ALDH1L2: variants seen among roughly 807,000 people sequenced by gnomAD.
ALDH1L2 encodes mitochondrial 10-formyltetrahydrofolate dehydrogenase.
Under a neutral mutation model 111.0 loss-of-function variants are expected in ALDH1L2, and 91 were observed. The ratio of observed to expected loss-of-function variants is 0.82; its 90% CI spans 0.69 to 0.98. The LOEUF (loss-of-function observed/expected upper bound fraction) is 0.98. Ranked by LOEUF, ALDH1L2 falls within the 50% of genes least tolerant of loss-of-function variation. ALDH1L2 has a pLI of 0.00. For missense variants in ALDH1L2, 995 were observed against 1,126.8 expected, an observed-to-expected ratio of 0.88 and a Z score of 1.67; for synonymous variants, 374 against 392.6, an observed-to-expected ratio of 0.95 and a Z score of 0.56.
rs1874252909 is a variant in ALDH1L2 at position 105,023,384 on chromosome 12, G to T, written c.*1040C>A. On this transcript the variant is annotated 3_prime_UTR_variant, in exon 23 of 23. Transcript: ENST00000258494. ...TTGTGTGGCATTTTTCAGTGCTGCT[G>T]TATCAGGCATTGTGTCAGAACAATG... is the stretch of plus-strand genomic sequence containing the variant. The T allele has an allele frequency of 6.6e-6, 1 of 152,182 alleles. No homozygotes were observed. Among genetic ancestry groups the T allele is most frequent in the Non-Finnish European group, 1.5e-5 (1 of 68,044 alleles). 9.4% of individuals were successfully genotyped at this position (152,182 alleles called of 1,614,324 possible). A position where few individuals can be genotyped will look rare whatever the true frequency, so the allele number is the denominator to read the frequency against.
In ALDH1L2 at chr12:105,046,965, G is replaced by A; in HGVS notation, c.1691C>T (p.Ser564Phe). Residue 564 changes from serine (S) to phenylalanine (F), a missense_variant, in exon 14 of 23, where the codon TCT becomes TTT. By Grantham distance (155) the Ser-to-Phe change is radical. Coordinates refer to ENST00000258494, the MANE Select transcript of ALDH1L2 (RefSeq NM_001034173.4). The stretch of plus-strand genomic sequence containing the variant: ...ACGGGCCTGGTTGATTGGAATAGTA[G>A]AACCCTAAAGAATGAGAAAAGTTGA... ...FAGWCDKIQGSTIPINQARPN... is the reference protein window; with the variant it reads ...FAGWCDKIQGFTIPINQARPN... 1 of 1,613,810 alleles carries A rather than the reference G, an allele frequency of 6.2e-7. No individual in the cohort carries two copies. The highest frequency in any genetic ancestry group is 2.2e-5 in the East Asian group (1 of 44,882).
At chr12:105,032,486 G>A (rs1252365614) in intron 19 of ALDH1L2, among the ~76,000 whole-genome samples, 3 of 151,978 alleles carry the variant, frequency 2.0e-5, no homozygotes, top group Non-Finnish European at 2.9e-5. Flanking sequence ...CAATCCACCC[G>A]CATCAGCCTC....
chr12:105,033,210 G>T (rs1874803665), intron 19 of ALDH1L2, among the ~76,000 whole-genome samples: 1 of 152,150 alleles, frequency 6.6e-6, no homozygotes, highest in Admixed American at 6.6e-5. Flanking sequence ...GCAGTGTTTG[G>T]TACTAAGTAG....
intron 6 of ALDH1L2, among the ~76,000 whole-genome samples, chr12:105,064,409 T>C (rs866542611): frequency 8.5e-5 from 13 of 152,250 alleles, no homozygotes; most frequent in Admixed American, 5.2e-4. Context: ...TAAATTTTCA[T>C]AGAAGCATTC....
At chr12:105,082,284 G>A (rs374028053) in intron 1 of ALDH1L2, among the ~76,000 whole-genome samples, 177 of 152,274 alleles carry the variant, frequency 1.2e-3, no homozygotes, top group African/African-American at 3.8e-3. Context: ...ACACAGTCAC[G>A]TAACCACTAC....
At chr12:105,032,069 G>C in intron 19 of ALDH1L2, 135 bp from the exon 20 acceptor site, 1 of 870,148 alleles carries the variant, frequency 1.1e-6, no homozygotes, top group Non-Finnish European at 1.6e-6. Context: ...GGAGGTAGGT[G>C]GTTGGTTTTT....
chr12:105,052,418 A>C (rs911297869), intron 11 of ALDH1L2, among the ~76,000 whole-genome samples: 3 of 152,214 alleles, frequency 2.0e-5, no homozygotes, highest in Admixed American at 2.0e-4. Context: ...AGTACTTCTC[A>C]TATCATACTA....
At chr12:105,070,953 T>C (rs1877652015) in intron 2 of ALDH1L2, 149 bp from the exon 3 acceptor site, 1 of 710,364 alleles carries the variant, frequency 1.4e-6, no homozygotes, top group Non-Finnish European at 2.3e-6. Flanking sequence ...GAATTTCACC[T>C]GTTGTAATTG....
chr12:105,046,959 A>G lies in ALDH1L2; in HGVS notation c.1697T>C (p.Ile566Thr). ...GWCDKIQGST[I>T]PINQARPNRN... is the part of the protein sequence containing the mutation. ...ATTTGGACGGGCCTGGTTGATTGGA[A>G]TAGTAGAACCCTAAAGAATGAGAAA... The change falls in exon 14 of 23, where the codon ATT becomes ACT. Residue 566 changes from isoleucine (I) to threonine (T), a missense_variant. Ile to Thr is a moderately conservative substitution (Grantham distance 89). Transcript: ENST00000258494. The G allele has an allele frequency of 6.2e-7, 1 of 1,614,092 alleles. No individual in the cohort carries two copies.
At position 105,020,011 on chromosome 12, in the gene ALDH1L2, CTT is replaced by C. The variant is rs1874083406; in HGVS notation, c.*4411_*4412del. 3 of 152,094 alleles carry C rather than the reference CTT, an allele frequency of 2.0e-5. No individual in the cohort carries two copies. Among genetic ancestry groups the C allele is most frequent in the Admixed American group, 2.0e-4 (3 of 15,270 alleles). The allele number at this position is 152,094 out of a possible 1,614,324, so 9.4% of individuals were successfully genotyped here. A position where few individuals can be genotyped will look rare whatever the true frequency, so the allele number is the denominator to read the frequency against. ...CTCAACAAATTATGGTTGAGTCAGT[CTT>C]ACTTTCCTATTTTATAAATGTTTTT... is the stretch of plus-strand genomic sequence containing the variant. On this transcript the variant is annotated 3_prime_UTR_variant, in exon 23 of 23. Coordinates refer to ENST00000258494, the MANE Select transcript of ALDH1L2 (RefSeq NM_001034173.4).
intron 3 of ALDH1L2, 79 bp from the exon 4 acceptor site, chr12:105,068,963 G>A (rs1877532384): frequency 2.4e-6 from 3 of 1,229,360 alleles, no homozygotes; most frequent in East Asian, 5.7e-5. Flanking sequence ...TAAAGTATAA[G>A]ATAGTTATAA....
chr12:105,066,647 G>C lies in ALDH1L2; in HGVS notation c.617C>G (p.Ala206Gly). Residue 206 changes from alanine (A) to glycine (G), a missense_variant, in exon 5 of 23, where the codon GCT becomes GGT. Coordinates refer to ENST00000258494, the MANE Select transcript of ALDH1L2 (RefSeq NM_001034173.4). ...GGGTATACGAGGAGCTTTTCCATCA[G>C]CTATGAGTTGGACAGCTTCTACCTA... ...KAMVEAVQLI[A>G]DGKAPRIPQP... 6.2e-7 allele frequency: 1 copy of C among 1,614,152 alleles called. No homozygotes were observed. Among genetic ancestry groups the C allele is most frequent in the Non-Finnish European group, 8.5e-7 (1 of 1,180,030 alleles).
Position 105,070,608 on chromosome 12 carries a change from G to A in ALDH1L2, c.390C>T (p.Ser130=). ...AGGCTCCTCTGTGCCTGGGCAGGAT[G>A]GATGGGTGATAAATGATAGAGCCGT... ...PKHGSIIYHP[S]ILPRHRGASA... Residue 130 remains serine (S), a synonymous_variant, in exon 3 of 23, where the codon TCC becomes TCT. Coordinates refer to ENST00000258494, the MANE Select transcript of ALDH1L2 (RefSeq NM_001034173.4). 6.2e-7 allele frequency: 1 copy of A among 1,614,056 alleles called. No individual in the cohort carries two copies. Among genetic ancestry groups the A allele is most frequent in the Non-Finnish European group, 8.5e-7 (1 of 1,179,952 alleles).
chr12:105,082,993 C>A (rs185218601), intron 1 of ALDH1L2, among the ~76,000 whole-genome samples: 1 of 152,332 alleles, frequency 6.6e-6, no homozygotes, highest in Non-Finnish European at 1.5e-5. Context: ...TGCACCCCTG[C>A]GTACAGTTAG....
In ALDH1L2 at chr12:105,078,015, A is replaced by G. The variant is rs576640678; in HGVS notation, c.49-4010T>C. Among the ~76,000 whole-genome samples, 6 of 151,976 alleles carry G rather than the reference A, an allele frequency of 3.9e-5. No individual in the cohort carries two copies. The East Asian group carries it at 1.2e-3, about 29-fold the overall frequency. On this transcript the variant is annotated intron_variant, in intron 1 of 22. Transcript: ENST00000258494. ...CACAGAGTGCCCCAAACTGTGCCTG[A>G]CTCTGTGCAAGACTCATCCAACAAG...
chr12:105,069,295 C>CTGTGAAGGACAGAATGTGAAACTAA lies in ALDH1L2; in HGVS notation c.429-436_429-412dup, dbSNP rs1284297885. ...AGAACAGAAGATAAAATAGGATACTCTGTGAAGGACAGAATGTGAAACTAA... is the reference window on the plus strand; with the variant it reads ...AGAACAGAAGATAAAATAGGATACTCTGTGAAGGACAGAATGTGAAACTAATGTGAAGGACAGAATGTGAAACTAA... On this transcript the variant is annotated intron_variant, in intron 3 of 22. Transcript: ENST00000258494. Among the ~76,000 whole-genome samples, 24 of 152,276 alleles carry CTGTGAAGGACAGAATGTGAAACTAA rather than the reference C, an allele frequency of 1.6e-4. No individual in the cohort carries two copies. In the East Asian group the frequency reaches 4.4e-3, roughly 28 times the overall value.
At chr12:105,039,517 G>T (rs1380580476) in intron 17 of ALDH1L2, among the ~76,000 whole-genome samples, 196 bp downstream of exon 17, 3 of 152,046 alleles carry the variant, frequency 2.0e-5, no homozygotes, top group African/African-American at 7.2e-5. Context: ...ACATAGCTTT[G>T]GTTTTATTGA....
chr12:105,030,222 T>C, intron 21 of ALDH1L2, 102 bp downstream of exon 21: 1 of 659,268 alleles, frequency 1.5e-6, no homozygotes, highest in East Asian at 3.2e-5. Context: ...GGTAGAAAAT[T>C]ACATGTTCAT....
chr12:105,034,166 G>T, intron 19 of ALDH1L2, 134 bp downstream of exon 19: 1 of 768,362 alleles, frequency 1.3e-6, no homozygotes, highest in Non-Finnish European at 2.0e-6. Flanking sequence ...AAAAAACTAG[G>T]GACTGATTTT....
Sources: allele counts gnomAD v4.1 joint callset (sites outside exome capture counted in the v4.1 genomes callset), GRCh38; gene constraint gnomAD v4.1.1; transcripts MANE v1.5; gene names NCBI Gene and HGNC (gene_info 2026-07-23, HGNC 2026-07-21).